Variants in KHDRBS3 observed in about 807,000 individuals in gnomAD.
KHDRBS3 encodes KH RNA binding domain containing, signal transduction associated 3.
Under a neutral mutation model 45.6 loss-of-function variants are expected in KHDRBS3, and 23 were observed. That is an observed-to-expected ratio of 0.50 (90% CI 0.36 to 0.72). The LOEUF is 0.72. Among genes scored for constraint, KHDRBS3 ranks in the 30% least tolerant of loss-of-function variants. The probability of loss-of-function intolerance (pLI) is 0.00; values close to 1 mark genes in which losing one functional copy is unlikely to be tolerated. For missense variants in KHDRBS3, 352 were observed against 424.8 expected, an observed-to-expected ratio of 0.83 and a Z score of 1.51; for synonymous variants, 162 against 156.5, an observed-to-expected ratio of 1.04 and a Z score of -0.26.
chr8:135,625,198 T>C, intron 7 of KHDRBS3: 2 of 1,402,276 alleles, frequency 1.4e-6, no homozygotes, highest in African/African-American at 1.4e-5. Context: ...ATACTCTTCT[T>C]GCTCCTCCTG....
At chr8:135,500,223 G>A (rs1023660520) in intron 1 of KHDRBS3, among the ~76,000 whole-genome samples, 1 of 151,922 alleles carries the variant, frequency 6.6e-6, no homozygotes, top group Non-Finnish European at 1.5e-5. Flanking sequence ...TCAGTTCATT[G>A]TGAGGTGTCA....
chr8:135,514,698 T>C (rs1048286400), intron 1 of KHDRBS3, among the ~76,000 whole-genome samples: 1 of 152,222 alleles, frequency 6.6e-6, no homozygotes, highest in Non-Finnish European at 1.5e-5. Context: ...TTTATGGTTT[T>C]TTTTAATAAC....
rs1295914935 is a variant in KHDRBS3, at chr8:135,582,155, G to A, written c.807+82G>A. On this transcript the variant is annotated intron_variant, in intron 6 of 8. Transcript: ENST00000355849. ...AGCACTGGATATTGTACCCGCGTAC[G>A]CTTCCTCACCTTGTTTTGGTTCTTG... 5.3e-6 allele frequency: 7 copies of A among 1,312,420 alleles called. No individual in the cohort carries two copies. In the East Asian group the frequency reaches 8.0e-5, roughly 15 times the overall value. The allele number at this position is 1,312,420 out of a possible 1,614,324, so 81.3% of individuals were successfully genotyped here.
chr8:135,579,364 G>A (rs913356486), intron 5 of KHDRBS3, among the ~76,000 whole-genome samples: 3 of 152,006 alleles, frequency 2.0e-5, no homozygotes, highest in East Asian at 1.9e-4. Flanking sequence ...ACAGAGTCTC[G>A]CTCTGTCACC....
At chr8:135,568,342 A>G (rs898134780) in intron 5 of KHDRBS3, among the ~76,000 whole-genome samples, 19 of 152,206 alleles carry the variant, frequency 1.2e-4, no homozygotes, top group African/African-American at 4.6e-4. Flanking sequence ...TTTTCAAAAA[A>G]TAACTAATCA....
At chr8:135,620,397 C>G (rs543198599) in intron 7 of KHDRBS3, among the ~76,000 whole-genome samples, 2 of 152,100 alleles carry the variant, frequency 1.3e-5, no homozygotes, top group Admixed American at 1.3e-4. Flanking sequence ...CTACCACACC[C>G]GGTAGCAAGG....
chr8:135,617,043 A>C (rs998252488), intron 7 of KHDRBS3, among the ~76,000 whole-genome samples: 6 of 152,010 alleles, frequency 3.9e-5, no homozygotes, highest in Non-Finnish European at 7.4e-5. Flanking sequence ...CTACTTTCTT[A>C]GCTCTACGAC....
chr8:135,508,716 C>T (rs370390839), intron 1 of KHDRBS3, among the ~76,000 whole-genome samples: 9 of 152,132 alleles, frequency 5.9e-5, no homozygotes, highest in African/African-American at 1.9e-4. Flanking sequence ...CTGGTTACCT[C>T]GTTTAGTCTG....
intron 7 of KHDRBS3, among the ~76,000 whole-genome samples, chr8:135,617,029 TCTA>T (rs1156478226): frequency 2.6e-5 from 4 of 152,034 alleles, no homozygotes; most frequent in Non-Finnish European, 4.4e-5. Flanking sequence ...GAATGTCAGC[TCTA>T]CTACTTTCTT....
chr8:135,579,388 A>T (rs1165268737), intron 5 of KHDRBS3, among the ~76,000 whole-genome samples: 1 of 152,100 alleles, frequency 6.6e-6, no homozygotes, highest in Non-Finnish European at 1.5e-5. Flanking sequence ...GCTGGAGTGC[A>T]TCTAGGTGGC....
intron 7 of KHDRBS3, among the ~76,000 whole-genome samples, chr8:135,630,034 A>G (rs1189098193): frequency 6.6e-6 from 1 of 152,256 alleles, no homozygotes; most frequent in African/African-American, 2.4e-5. Context: ...ATGAAAGACA[A>G]GCCACCAGCA....
chr8:135,503,023 C>T (rs1823810785), intron 1 of KHDRBS3, among the ~76,000 whole-genome samples: 1 of 152,182 alleles, frequency 6.6e-6, no homozygotes, highest in South Asian at 2.1e-4. Context: ...CTATATTTGA[C>T]TGCACAGACA....
At position 135,537,097 on chromosome 8, in the gene KHDRBS3, A is replaced by G. The variant is rs1586683127; in HGVS notation, c.208-5557A>G. ...TCATGTTGGAGAGATAAAGCAGTGAACACACAGGCCTAGTCAGTGCCCTCG... is the reference window on the plus strand; with the variant it reads ...TCATGTTGGAGAGATAAAGCAGTGAGCACACAGGCCTAGTCAGTGCCCTCG... On this transcript the variant is annotated intron_variant, in intron 2 of 8. Coordinates refer to ENST00000355849, the MANE Select transcript of KHDRBS3 (RefSeq NM_006558.3). Among the ~76,000 whole-genome samples the G allele has an allele frequency of 4.6e-5, 7 of 152,170 alleles. No homozygotes were observed. In the South Asian group the frequency reaches 1.5e-3, roughly 32 times the overall value.
At chr8:135,529,256 G>C (rs1232339277) in intron 2 of KHDRBS3, among the ~76,000 whole-genome samples, 3 of 152,170 alleles carry the variant, frequency 2.0e-5, no homozygotes, top group Non-Finnish European at 4.4e-5. Context: ...GCAGCAGGAG[G>C]AGTAAATCTT....
intron 1 of KHDRBS3, among the ~76,000 whole-genome samples, chr8:135,470,213 A>T (rs1821943202): frequency 6.6e-6 from 1 of 152,130 alleles, no homozygotes; most frequent in African/African-American, 2.4e-5. Context: ...TGGCGTGCTG[A>T]TAAAGGAAAC....
chr8:135,500,952 C>A (rs192841814), intron 1 of KHDRBS3, among the ~76,000 whole-genome samples: 1 of 151,970 alleles, frequency 6.6e-6, no homozygotes. Flanking sequence ...ATTGTTTTAG[C>A]CAAAAAACAT....
At chr8:135,604,220 A>G (rs1202860404) in intron 6 of KHDRBS3, among the ~76,000 whole-genome samples, 1 of 151,846 alleles carries the variant, frequency 6.6e-6, no homozygotes, top group Non-Finnish European at 1.5e-5. Flanking sequence ...CTTTTGCCTA[A>G]TGTTAGTATT....
chr8:135,512,429 C>CGGTG (rs142771026), intron 1 of KHDRBS3, among the ~76,000 whole-genome samples: 1 of 78,088 alleles, frequency 1.3e-5, no homozygotes, highest in African/African-American at 6.6e-5. Context: ...TTGGAAAAGT[C>CGGTG]GGGGGGGGGG....
At position 135,655,182 on chromosome 8, in the gene KHDRBS3, A is replaced by C. The variant is rs151175244; in HGVS notation, c.*118-1044A>C. Among the ~76,000 whole-genome samples, 498 of 152,350 alleles carry C rather than the reference A, an allele frequency of 3.3e-3. 8 individuals carry two copies. The highest frequency in any genetic ancestry group is 0.011 in the African/African-American group (474 of 41,578). ...TACTGTATTAGATGTTTAACTTTTT[A>C]GAGGATTCACCTTTAAATAACAGTT... On this transcript the variant is annotated intron_variant and NMD_transcript_variant, in intron 4 of 4. Coordinates refer to the KHDRBS3 transcript ENST00000521461.
Sources: allele counts gnomAD v4.1 joint callset (sites outside exome capture counted in the v4.1 genomes callset), GRCh38; gene constraint gnomAD v4.1.1; transcripts MANE v1.5; gene names NCBI Gene and HGNC (gene_info 2026-07-23, HGNC 2026-07-21).